ZNF91: variants seen among roughly 807,000 people sequenced by gnomAD.
The protein encoded by ZNF91 is zinc finger protein 91.
Under a neutral mutation model 12.6 loss-of-function variants are expected in ZNF91, and 7 were observed. The observed-to-expected ratio is 0.55, with a 90% CI of 0.31 to 1.04. ZNF91 has a LOEUF of 1.04. ZNF91 is among the 50% of genes least tolerant of loss of function. ZNF91 has a pLI of 0.05. For missense variants in ZNF91, 1,217 were observed against 1,385.4 expected, an observed-to-expected ratio of 0.88 and a Z score of 1.93; for synonymous variants, 453 against 462.6, an observed-to-expected ratio of 0.98 and a Z score of 0.27.
chr19:23,351,520 A>G (rs2145029129), intron 3 of ZNF91, among the ~76,000 whole-genome samples: 1 of 152,290 alleles, frequency 6.6e-6, no homozygotes, highest in South Asian at 2.1e-4. Flanking sequence ...AGGTAGTTAA[A>G]ATAATCTTGT....
upstream of ZNF91, among the ~76,000 whole-genome samples, chr19:23,310,916 A>G (rs1967459991): frequency 6.6e-6 from 1 of 152,190 alleles, no homozygotes; most frequent in Non-Finnish European, 1.5e-5. Context: ...TACTTGGACT[A>G]TTACCAAGGT....
chr19:23,323,275 T>C (rs1325081479), intron 1 of ZNF91, among the ~76,000 whole-genome samples: 1 of 141,544 alleles, frequency 7.1e-6, no homozygotes, highest in East Asian at 3.6e-4. Context: ...TTTTCTTCTT[T>C]CTTCTCTCCT....
chr19:23,381,516 C>T (rs1568400886), intron 1 of ZNF91, among the ~76,000 whole-genome samples: 1 of 147,500 alleles, frequency 6.8e-6, no homozygotes, highest in Admixed American at 6.9e-5. Flanking sequence ...GGCTGGAGTG[C>T]AACGGCATGA....
chr19:23,370,631 G>T (rs1413514782), intron 3 of ZNF91, among the ~76,000 whole-genome samples: 1 of 152,088 alleles, frequency 6.6e-6, no homozygotes, highest in Non-Finnish European at 1.5e-5. Flanking sequence ...CTCTCAAGTA[G>T]CTGGGACCAC....
intron 3 of ZNF91, among the ~76,000 whole-genome samples, chr19:23,373,345 CTTATAT>C (rs1315001019): frequency 2.0e-4 from 17 of 84,008 alleles, no homozygotes; most frequent in East Asian, 9.9e-4. Context: ...ATCATGTAAT[CTTATAT>C]ATATATATAT....
At chr19:23,384,787 G>A (rs1162641471) in intron 1 of ZNF91, 6 of 651,186 alleles carry the variant, frequency 9.2e-6, no homozygotes, top group South Asian at 3.4e-5. Context: ...GTTCTTCCGG[G>A]CCAACAGCAC....
intron 1 of ZNF91, among the ~76,000 whole-genome samples, chr19:23,323,612 T>A (rs1967762467): frequency 8.4e-6 from 1 of 118,536 alleles, no homozygotes. Context: ...TTCCTCCTCC[T>A]TTTCTCTTCT....
At position 23,361,372 on chromosome 19, in the gene ZNF91, T is replaced by C. The variant is rs761559122; in HGVS notation, c.1607A>G (p.His536Arg). 14 of 1,613,538 alleles carry C rather than the reference T, an allele frequency of 8.7e-6. No individual in the cohort carries two copies. The highest frequency in any genetic ancestry group is 2.7e-5 in the African/African-American group (2 of 74,916). The change falls in exon 4 of 4, where the codon CAT becomes CGT. Residue 536 changes from histidine to arginine, a missense_variant. By Grantham distance (29) the His-to-Arg change is conservative. Coordinates refer to ENST00000300619, the MANE Select transcript of ZNF91 (RefSeq NM_003430.4). ...TTTCTCTCTACTATGAATTATCTTA[T>C]GTTTATTAAGGGTTAAGGATTGTCT... ...AFRQSLTLNK[H>R]KIIHSREKPY...
At chr19:23,381,456 CTT>C (rs1486088302) in intron 1 of ZNF91, among the ~76,000 whole-genome samples, 8 of 145,748 alleles carry the variant, frequency 5.5e-5, no homozygotes, top group Non-Finnish European at 9.1e-5. Flanking sequence ...CTCTTTTTTT[CTT>C]TCTCTTTTTT....
At chr19:23,329,118 A>G (rs893291733) in intron 1 of ZNF91, 2 of 152,208 alleles carry the variant, frequency 1.3e-5, no homozygotes, top group East Asian at 1.9e-4. Flanking sequence ...GCTTTCTCCT[A>G]TTCTTTTCCT....
chr19:23,365,891 C>G (rs916050469), intron 3 of ZNF91, among the ~76,000 whole-genome samples: 1 of 152,174 alleles, frequency 6.6e-6, no homozygotes. Flanking sequence ...GGGGTAAGGT[C>G]ATAGATCAAC....
At chr19:23,365,690 T>G (rs1968975116) in intron 3 of ZNF91, among the ~76,000 whole-genome samples, 1 of 151,838 alleles carries the variant, frequency 6.6e-6, no homozygotes. Flanking sequence ...AGGTCTCTGG[T>G]TTTCCTAGGC....
At chr19:23,329,508 T>C (rs1967890588) in intron 1 of ZNF91, among the ~76,000 whole-genome samples, 1 of 152,228 alleles carries the variant, frequency 6.6e-6, no homozygotes, top group African/African-American at 2.4e-5. Flanking sequence ...CAGTAATCTG[T>C]GAAAATAAAG....
At chr19:23,353,296 C>G (rs1434360085), downstream of ZNF91, among the ~76,000 whole-genome samples, 1 of 152,068 alleles carries the variant, frequency 6.6e-6, no homozygotes, top group Non-Finnish European at 1.5e-5. Flanking sequence ...GAAATCAACT[C>G]CCAAAGGAAC....
At chr19:23,368,863 AAC>A (rs1033999972) in intron 3 of ZNF91, among the ~76,000 whole-genome samples, 4 of 151,896 alleles carry the variant, frequency 2.6e-5, no homozygotes, top group African/African-American at 9.7e-5. Context: ...TTCATAAAAA[AAC>A]ACAAATAAAA....
At chr19:23,364,584 T>C (rs199818674) in intron 3 of ZNF91, among the ~76,000 whole-genome samples, 1 of 75,016 alleles carries the variant, frequency 1.3e-5, no homozygotes. Context: ...GTAAATTTTG[T>C]TTTTTTTTTG....
At chr19:23,378,974 T>C (rs1022326727) in intron 1 of ZNF91, among the ~76,000 whole-genome samples, 2 of 151,874 alleles carry the variant, frequency 1.3e-5, no homozygotes, top group African/African-American at 4.8e-5. Context: ...ACCAAAGACA[T>C]CTCTTGTATG....
chr19:23,313,929 CAGG>C, upstream of ZNF91, among the ~76,000 whole-genome samples: 1 of 152,246 alleles, frequency 6.6e-6, no homozygotes, highest in Admixed American at 6.5e-5. Context: ...ATAGCCAGAA[CAGG>C]GACACGTGTA....
At chr19:23,306,283 C>T (rs1967397697) in intron 3 of ZNF91, among the ~76,000 whole-genome samples, 1 of 152,188 alleles carries the variant, frequency 6.6e-6, no homozygotes, top group Non-Finnish European at 1.5e-5. Flanking sequence ...TTGTTAATCT[C>T]ATTATTGGAC....
Sources: gnomAD v4.1 joint callset for allele counts (sites outside exome capture counted in the v4.1 genomes callset) on GRCh38, gnomAD v4.1.1 for gene constraint, MANE v1.5 for transcripts, NCBI Gene and HGNC (gene_info 2026-07-23, HGNC 2026-07-21) for gene names.